The following PCCA variants were observed in gnomAD, a reference collection of about 807,000 sequenced individuals.
PCCA encodes the protein propionyl-CoA carboxylase subunit alpha.
PCCA carries 74 observed loss-of-function variants against 101.3 expected under a neutral mutation model. The observed-to-expected ratio is 0.73, with a 90% CI of 0.61 to 0.89. PCCA has a LOEUF of 0.89. Ranked by LOEUF, PCCA falls within the 40% of genes least tolerant of loss-of-function variation. The pLI is 0.00. For missense variants in PCCA, 891 were observed against 907.0 expected (o/e 0.98, Z 0.23); for synonymous variants, 294 against 313.6 (o/e 0.94, Z 0.66).
At chr13:100,476,154 A>C (rs970053195) in intron 21 of PCCA, among the ~76,000 whole-genome samples, 1 of 152,208 alleles carries the variant, frequency 6.6e-6, no homozygotes, top group Non-Finnish European at 1.5e-5. Context: ...TAAGGAGAGG[A>C]AAAAAGAATA....
At chr13:100,494,305 T>C (rs2085116670) in intron 21 of PCCA, among the ~76,000 whole-genome samples, 1 of 152,252 alleles carries the variant, frequency 6.6e-6, no homozygotes, top group African/African-American at 2.4e-5. Flanking sequence ...AACAAGAACA[T>C]TGTCCCTTGT....
intron 6 of PCCA, among the ~76,000 whole-genome samples, chr13:100,201,381 T>A (rs1309340685): frequency 6.6e-6 from 1 of 152,196 alleles, no homozygotes; most frequent in East Asian, 1.9e-4. Context: ...TGATCTCTGC[T>A]AGTACTCATT....
rs781030239 is a variant in PCCA, at chr13:100,089,188, AGCAGCTGATG to A, written c.69_78del (p.Gln23HisfsTer2). On this transcript the variant is annotated frameshift_variant, in exon 1 of 24. Transcript: ENST00000376285. LOFTEE classifies it high-confidence loss of function. Reference sequence around the variant, plus strand: ...GGACGGCGTGGGCGGTGGCCGCCGCAGCAGCTGATGCTGAGCGCGGCGCTGCGGACCCTGA... The same window carrying A: ...GGACGGCGTGGGCGGTGGCCGCCGCACTGAGCGCGGCGCTGCGGACCCTGA... 4 of 1,529,272 alleles carry A rather than the reference AGCAGCTGATG, an allele frequency of 2.6e-6. No individual in the cohort carries two copies. The highest frequency in any genetic ancestry group is 3.5e-6 in the Non-Finnish European group (4 of 1,140,078). The allele number at this position is 1,529,272 out of a possible 1,614,324, so 94.7% of individuals were successfully genotyped here.
At chr13:100,106,007 G>T (rs182089489) in intron 2 of PCCA, among the ~76,000 whole-genome samples, 1 of 152,144 alleles carries the variant, frequency 6.6e-6, no homozygotes, top group East Asian at 1.9e-4. Context: ...AATGTAGTTG[G>T]CCTTTAATTC....
intron 19 of PCCA, among the ~76,000 whole-genome samples, chr13:100,382,471 A>C (rs1342838462): frequency 6.6e-6 from 1 of 152,112 alleles, no homozygotes; most frequent in Non-Finnish European, 1.5e-5. Context: ...AGAAGTTCTC[A>C]CTTTGGGCCA....
intron 4 of PCCA, among the ~76,000 whole-genome samples, chr13:100,128,162 G>T (rs191677487): frequency 6.6e-6 from 1 of 152,274 alleles, no homozygotes; most frequent in Admixed American, 6.5e-5. Context: ...CAATCTTCGG[G>T]TTGCCAAAGA....
At chr13:100,172,353 TTTTA>T (rs1319281369) in intron 6 of PCCA, among the ~76,000 whole-genome samples, 1 of 152,196 alleles carries the variant, frequency 6.6e-6, no homozygotes, top group Non-Finnish European at 1.5e-5. Flanking sequence ...AACAAATATT[TTTTA>T]GGATCTGTTA....
intron 21 of PCCA, chr13:100,491,585 G>A: frequency 6.9e-6 from 7 of 1,013,204 alleles, no homozygotes; most frequent in Non-Finnish European, 9.6e-6. Flanking sequence ...TTGCCCTTGG[G>A]ATAGAGGTTA....
Position 100,155,417 on chromosome 13 carries a change from T to C in PCCA, c.414+325T>C, listed in dbSNP as rs559086949. 3.9e-4 allele frequency among the ~76,000 whole-genome samples: 59 copies of C among 152,352 alleles called. 1 individual carries two copies. Among genetic ancestry groups the C allele is most frequent in the Admixed American group, 4.6e-4 (7 of 15,310 alleles). On this transcript the variant is annotated intron_variant, in intron 5 of 23. Coordinates refer to ENST00000376285, the MANE Select transcript of PCCA (RefSeq NM_000282.4). Reference sequence around the variant, plus strand: ...TAACCCTTTCCGTGTAATAAGAGCATTTTAAAAAATTCTGTGTTATAAACA... The same window carrying C: ...TAACCCTTTCCGTGTAATAAGAGCACTTTAAAAAATTCTGTGTTATAAACA...
At chr13:100,489,855 T>C (rs2084754945) in intron 21 of PCCA, 1 of 152,180 alleles carries the variant, frequency 6.6e-6, no homozygotes, top group South Asian at 2.1e-4. Context: ...AGTGGAAGTC[T>C]ATGGGGAAGG....
At chr13:100,123,964 T>G (rs1227556112) in intron 4 of PCCA, among the ~76,000 whole-genome samples, 1 of 152,134 alleles carries the variant, frequency 6.6e-6, no homozygotes, top group Non-Finnish European at 1.5e-5. Context: ...CTTTAGTGAC[T>G]AGGAGTTTCT....
intron 21 of PCCA, among the ~76,000 whole-genome samples, chr13:100,489,604 T>C (rs993577780): frequency 2.6e-5 from 4 of 152,250 alleles, no homozygotes; most frequent in African/African-American, 9.6e-5. Context: ...TACTAAAATA[T>C]TGTAAAATGT....
chr13:100,132,796 CAG>C (rs1412585160), intron 4 of PCCA, among the ~76,000 whole-genome samples: 3 of 151,612 alleles, frequency 2.0e-5, no homozygotes, highest in Non-Finnish European at 2.9e-5. Flanking sequence ...TTTTTTGAGA[CAG>C]AGTCTCACTC....
chr13:100,384,335 A>G (rs866777667), intron 19 of PCCA, among the ~76,000 whole-genome samples: 5 of 152,214 alleles, frequency 3.3e-5, no homozygotes, highest in Admixed American at 6.5e-5. Context: ...CAAAAATTCA[A>G]TTTTAAGTAA....
At chr13:100,336,824 G>T (rs572578174) in intron 17 of PCCA, among the ~76,000 whole-genome samples, 1 of 152,288 alleles carries the variant, frequency 6.6e-6, no homozygotes, top group African/African-American at 2.4e-5. Flanking sequence ...TGTTGTGAAC[G>T]TTCCAAGGCT....
At chr13:100,347,330 C>T (rs2072427023) in intron 18 of PCCA, among the ~76,000 whole-genome samples, 1 of 152,168 alleles carries the variant, frequency 6.6e-6, no homozygotes, top group African/African-American at 2.4e-5. Context: ...TTGCAGTGGT[C>T]TGGAACTGAT....
chr13:100,161,153 G>A (rs1480211262), intron 6 of PCCA: 1 of 152,128 alleles, frequency 6.6e-6, no homozygotes, highest in Non-Finnish European at 1.5e-5. Context: ...TAAAATGAGA[G>A]GTAATTTTTA....
chr13:100,179,049 C>G (rs1254017332), intron 6 of PCCA, among the ~76,000 whole-genome samples: 1 of 147,102 alleles, frequency 6.8e-6, no homozygotes, highest in Non-Finnish European at 1.5e-5. Flanking sequence ...TGCACTCCAG[C>G]CTGGGTGACA....
intron 21 of PCCA, among the ~76,000 whole-genome samples, chr13:100,505,026 C>A (rs837291): frequency 0.6 from 91,112 of 152,078 alleles, 27,870 homozygotes; most frequent in East Asian, 0.85. Context: ...GGAAAGTCGA[C>A]CTTTCCCAAG....
Sources: gnomAD v4.1 joint callset for allele counts (sites outside exome capture counted in the v4.1 genomes callset) on GRCh38, gnomAD v4.1.1 for gene constraint, MANE v1.5 for transcripts, NCBI Gene and HGNC (gene_info 2026-07-23, HGNC 2026-07-21) for gene names.